Variants in EPB41L5 observed in about 807,000 individuals in gnomAD.
EPB41L5 encodes the protein band 4.1-like protein 5.
Under a neutral mutation model 106.6 loss-of-function variants are expected in EPB41L5, and 55 were observed. The observed-to-expected ratio is 0.52, with a 90% CI of 0.42 to 0.65. The LOEUF (loss-of-function observed/expected upper bound fraction) is 0.65. EPB41L5 is among the 30% of genes least tolerant of loss of function. The probability of loss-of-function intolerance (pLI) is 0.00; values close to 1 mark genes in which losing one functional copy is unlikely to be tolerated. For missense variants in EPB41L5, 871 were observed against 882.1 expected, an observed-to-expected ratio of 0.99 and a Z score of 0.16; for synonymous variants, 297 against 306.7, an observed-to-expected ratio of 0.97 and a Z score of 0.33.
chr2:120,078,380 T>C (rs1682402074), intron 9 of EPB41L5, 113 bp from the exon 10 acceptor site: 1 of 506,596 alleles, frequency 2.0e-6, no homozygotes, highest in Non-Finnish European at 3.4e-6. Flanking sequence ...ATATTAATAT[T>C]AGCCTGTATA....
intron 5 of EPB41L5, among the ~76,000 whole-genome samples, chr2:120,074,904 C>T (rs755252986): frequency 7.2e-5 from 11 of 152,106 alleles, no homozygotes; most frequent in African/African-American, 9.7e-5. Context: ...CTCAGTTCAC[C>T]GCAACCTCTG....
intron 3 of EPB41L5, among the ~76,000 whole-genome samples, chr2:120,061,470 G>A (rs1220428628): frequency 4.0e-5 from 6 of 151,674 alleles, no homozygotes; most frequent in Middle Eastern, 3.4e-3. Flanking sequence ...TGATCCGCCC[G>A]CCTCGGCCTC....
intron 20 of EPB41L5, among the ~76,000 whole-genome samples, chr2:120,156,039 T>G (rs986214248): frequency 2.0e-5 from 3 of 152,134 alleles, no homozygotes; most frequent in Non-Finnish European, 2.9e-5. Context: ...CCAGCTGATG[T>G]GGAGCCCAGA....
Position 120,020,929 on chromosome 2 carries a change from A to C in EPB41L5, c.180+1665A>C, listed in dbSNP as rs569124132. On this transcript the variant is annotated intron_variant, in intron 2 of 24. Transcript: ENST00000263713. ...TTACTGATCTGGAATGGTTTCCTAA[A>C]CTTTGTATGCTTAGCTGGGTGTATG... 2.0e-5 allele frequency among the ~76,000 whole-genome samples: 3 copies of C among 152,338 alleles called. No homozygotes were observed. In the South Asian group the frequency reaches 6.2e-4, roughly 32 times the overall value.
chr2:120,167,950 A>C lies in EPB41L5; in HGVS notation c.2078A>C (p.Lys693Thr), dbSNP rs781289796. 5.6e-6 allele frequency: 9 copies of C among 1,614,022 alleles called. No homozygotes were observed. In the South Asian group the frequency reaches 8.8e-5, roughly 16 times the overall value. ...LLTGKEGHGN[K>T]DGISLISPPA... ...ACAGGGAAGGAGGGACATGGTAATA[A>C]AGATGGAATCTCACTGATCTCTCCC... The change falls in exon 24 of 25, where the codon AAA (lysine) becomes ACA (threonine). Residue 693 changes from lysine to threonine, a missense_variant. Transcript: ENST00000263713.
At chr2:120,129,980 T>C (rs1685623254) in intron 17 of EPB41L5, among the ~76,000 whole-genome samples, 1 of 152,154 alleles carries the variant, frequency 6.6e-6, no homozygotes, top group Non-Finnish European at 1.5e-5. Context: ...ACCCAGTCTC[T>C]ACTAAAAGTA....
At chr2:120,157,861 T>G (rs1686968285) in intron 20 of EPB41L5, among the ~76,000 whole-genome samples, 1 of 150,180 alleles carries the variant, frequency 6.7e-6, no homozygotes, top group Admixed American at 6.6e-5. Context: ...CTAGGTAGAC[T>G]AATGAAGAAA....
At chr2:120,166,366 T>TTTTG (rs1687408414) in intron 22 of EPB41L5, among the ~76,000 whole-genome samples, 1 of 152,226 alleles carries the variant, frequency 6.6e-6, no homozygotes, top group African/African-American at 2.4e-5. Context: ...TCAAACTATT[T>TTTTG]TTTGTTTACT....
At chr2:120,115,265 A>T (rs1208677056) in intron 16 of EPB41L5, among the ~76,000 whole-genome samples, 1 of 152,160 alleles carries the variant, frequency 6.6e-6, no homozygotes, top group Admixed American at 6.5e-5. Flanking sequence ...GTACTTACTG[A>T]TAAGGAAGGA....
chr2:120,082,817 T>C (rs1430469508), intron 10 of EPB41L5, among the ~76,000 whole-genome samples: 1 of 152,344 alleles, frequency 6.6e-6, no homozygotes, highest in Non-Finnish European at 1.5e-5. Context: ...TTCAACTGCT[T>C]CCTGGTTTAG....
intron 3 of EPB41L5, among the ~76,000 whole-genome samples, chr2:120,069,692 C>T (rs749688397): frequency 1.2e-4 from 19 of 152,134 alleles, no homozygotes; most frequent in Admixed American, 7.9e-4. Context: ...TACATGGGAA[C>T]TGAACAACCT....
At position 120,164,917 on chromosome 2, in the gene EPB41L5, A is replaced by G; in HGVS notation, c.1962+7A>G. 2 of 1,586,464 alleles carry G rather than the reference A, an allele frequency of 1.3e-6. No homozygotes were observed. The highest frequency in any genetic ancestry group is 1.7e-6 in the Non-Finnish European group (2 of 1,164,610). On this transcript the variant is annotated splice_region_variant and intron_variant, in intron 22 of 24. Transcript: ENST00000263713. ...TCACACAGTTGCACCTCAGGTAAAT[A>G]TGCTTTAAAATAGTATGATGGAAAG...
intron 16 of EPB41L5, 91 bp from the exon 17 acceptor site, chr2:120,127,597 T>G: frequency 1.0e-6 from 1 of 964,268 alleles, no homozygotes; most frequent in Non-Finnish European, 1.5e-6. Context: ...TTCACAGATG[T>G]GGTGGAAATT....
chr2:120,075,672 T>G lies in EPB41L5; in HGVS notation c.453-29T>G, dbSNP rs762940022. 5 of 1,595,722 alleles carry G rather than the reference T, an allele frequency of 3.1e-6. No individual in the cohort carries two copies. The Admixed American group carries it at 8.3e-5, about 27-fold the overall frequency. The stretch of plus-strand genomic sequence containing the variant: ...TAAAATGAAGGTTATGAAATCAACT[T>G]GTCTAACAAACTTGTGTTTTGGTCT... On this transcript the variant is annotated intron_variant, in intron 6 of 24. Coordinates refer to ENST00000263713, the MANE Select transcript of EPB41L5 (RefSeq NM_020909.4).
intron 3 of EPB41L5, among the ~76,000 whole-genome samples, chr2:120,067,467 G>C (rs1681522825): frequency 6.6e-6 from 1 of 152,178 alleles, no homozygotes; most frequent in African/African-American, 2.4e-5. Context: ...GTATATCTTA[G>C]TTGGATGTGT....
At chr2:120,088,307 A>G (rs1683199635) in intron 11 of EPB41L5, among the ~76,000 whole-genome samples, 1 of 152,164 alleles carries the variant, frequency 6.6e-6, no homozygotes, top group Non-Finnish European at 1.5e-5. Context: ...GCTGGAGGAT[A>G]TTATCCTTAG....
intron 2 of EPB41L5, among the ~76,000 whole-genome samples, chr2:120,020,382 A>G (rs1677839787): frequency 6.6e-6 from 1 of 152,242 alleles, no homozygotes; most frequent in Non-Finnish European, 1.5e-5. Context: ...GGAATGTATT[A>G]GATATGTACA....
chr2:120,164,902 G>A lies in EPB41L5; in HGVS notation c.1954G>A (p.Ala652Thr), dbSNP rs1687321905. The part of the protein sequence containing the change: ...LTENLIDHTV[A>T]PQVSSTSMIT... The stretch of plus-strand genomic sequence containing the variant: ...TGAGAATCTAATTGATCACACAGTT[G>A]CACCTCAGGTAAATATGCTTTAAAA... The change falls in exon 22 of 25, where the codon GCA (alanine) becomes ACA (threonine). Residue 652 changes from alanine (A) to threonine (T), a missense_variant. By Grantham distance (58) the Ala-to-Thr change is moderately conservative (BLOSUM62 0). Coordinates refer to ENST00000263713, the MANE Select transcript of EPB41L5 (RefSeq NM_020909.4). The A allele has an allele frequency of 6.2e-7, 1 of 1,607,926 alleles. No homozygotes were observed. Among genetic ancestry groups the A allele is most frequent in the African/African-American group, 1.3e-5 (1 of 74,626 alleles).
At chr2:120,100,053 C>T (rs1284885686) in intron 14 of EPB41L5, among the ~76,000 whole-genome samples, 191 bp from the exon 15 acceptor site, 1 of 152,040 alleles carries the variant, frequency 6.6e-6, no homozygotes, top group African/African-American at 2.4e-5. Context: ...CAAGTATTTG[C>T]CTATAAGAAC....
Sources: gnomAD v4.1 joint callset for allele counts (sites outside exome capture counted in the v4.1 genomes callset) on GRCh38, gnomAD v4.1.1 for gene constraint, MANE v1.5 for transcripts, NCBI Gene and HGNC (gene_info 2026-07-23, HGNC 2026-07-21) for gene names.